CNTN4: variants seen among roughly 807,000 people sequenced by gnomAD.
The protein encoded by CNTN4 is contactin 4.
CNTN4 carries 77 observed loss-of-function variants against 122.5 expected under a neutral mutation model. The ratio of observed to expected loss-of-function variants is 0.63; its 90% CI spans 0.52 to 0.76. The LOEUF is 0.76. Ranked by LOEUF, CNTN4 falls within the 30% of genes least tolerant of loss-of-function variation. The probability of loss-of-function intolerance (pLI) is 0.00; values close to 1 mark genes in which losing one functional copy is unlikely to be tolerated. For synonymous variants in CNTN4, 512 were observed against 447.0 expected, an observed-to-expected ratio of 1.15 and a Z score of -1.83; for missense variants, 1,256 against 1,259.1, an observed-to-expected ratio of 1.00 and a Z score of 0.04.
intron 4 of CNTN4, among the ~76,000 whole-genome samples, chr3:2,643,514 T>G (rs562734526): frequency 6.6e-6 from 1 of 152,152 alleles, no homozygotes; most frequent in Non-Finnish European, 1.5e-5. Context: ...TAGTGACTTG[T>G]GTGCATGTCC....
Position 3,034,453 on chromosome 3 carries a change from G to A in CNTN4, c.1784-179G>A, listed in dbSNP as rs112151936. Reference sequence around the variant, plus strand: ...GGGGCTGTGTTTCATTCACCTCTGTGGTTTCCAAGCCCAGGAAAGTTCCAA... The same window carrying A: ...GGGGCTGTGTTTCATTCACCTCTGTAGTTTCCAAGCCCAGGAAAGTTCCAA... On this transcript the variant is annotated intron_variant, in intron 16 of 24. Coordinates refer to ENST00000418658, the MANE Select transcript of CNTN4 (RefSeq NM_175607.3). Among the ~76,000 whole-genome samples, 1,394 of 152,206 alleles carry A rather than the reference G, an allele frequency of 9.2e-3. 17 individuals carry two copies. The highest frequency in any genetic ancestry group is 0.051 in the Middle Eastern group (15 of 294).
chr3:2,921,449 T>G (rs954270340), intron 12 of CNTN4, among the ~76,000 whole-genome samples: 1 of 152,178 alleles, frequency 6.6e-6, no homozygotes, highest in African/African-American at 2.4e-5. Context: ...CAAAAGAAAT[T>G]TGGGGTCTCA....
chr3:2,606,163 A>G (rs544821755), intron 4 of CNTN4, among the ~76,000 whole-genome samples: 2 of 152,332 alleles, frequency 1.3e-5, no homozygotes, highest in Admixed American at 1.3e-4. Context: ...CTGTATTGAT[A>G]GGGAGGTCAG....
At chr3:2,860,605 A>C (rs982139393) in intron 7 of CNTN4, among the ~76,000 whole-genome samples, 13 of 152,144 alleles carry the variant, frequency 8.5e-5, no homozygotes, top group Non-Finnish European at 1.5e-4. Flanking sequence ...TAGAGGTACA[A>C]TATCTCTCCC....
chr3:2,449,715 T>C (rs2048755598), intron 3 of CNTN4, among the ~76,000 whole-genome samples: 1 of 152,144 alleles, frequency 6.6e-6, no homozygotes, highest in Admixed American at 6.6e-5. Flanking sequence ...GATCAAATGG[T>C]AGCTTTTAAA....
chr3:2,999,420 T>C (rs978066617), intron 14 of CNTN4, among the ~76,000 whole-genome samples: 1 of 152,186 alleles, frequency 6.6e-6, no homozygotes, highest in Non-Finnish European at 1.5e-5. Flanking sequence ...CTTAGTCCAC[T>C]TGTGCTGCTA....
intron 2 of CNTN4, among the ~76,000 whole-genome samples, chr3:2,113,873 C>T (rs971231390): frequency 6.6e-6 from 1 of 152,134 alleles, no homozygotes; most frequent in Admixed American, 6.5e-5. Context: ...TGCTGAAGAT[C>T]GAGAACCCCA....
chr3:3,000,228 G>A (rs1453189430), intron 14 of CNTN4, among the ~76,000 whole-genome samples: 7 of 152,068 alleles, frequency 4.6e-5, no homozygotes, highest in East Asian at 1.9e-4. Context: ...CAAAACAAGA[G>A]AGGGGGGAAA....
At chr3:2,811,143 C>T (rs979754162) in intron 6 of CNTN4, among the ~76,000 whole-genome samples, 1 of 152,036 alleles carries the variant, frequency 6.6e-6, no homozygotes, top group Non-Finnish European at 1.5e-5. Context: ...GGTGCGGTGG[C>T]TCACACCTGT....
intron 6 of CNTN4, among the ~76,000 whole-genome samples, chr3:2,750,623 T>C (rs774614682): frequency 3.4e-4 from 51 of 152,184 alleles, no homozygotes; most frequent in Non-Finnish European, 5.7e-4. Flanking sequence ...GCACATTTTG[T>C]TTTTCAGTCT....
At chr3:2,890,722 G>A (rs1016947979) in intron 10 of CNTN4, among the ~76,000 whole-genome samples, 3 of 152,186 alleles carry the variant, frequency 2.0e-5, no homozygotes, top group Non-Finnish European at 4.4e-5. Flanking sequence ...CCCTACTGTA[G>A]CCATGTCTTT....
At chr3:2,534,229 A>G (rs1457256126) in intron 3 of CNTN4, among the ~76,000 whole-genome samples, 6 of 152,114 alleles carry the variant, frequency 3.9e-5, no homozygotes, top group Non-Finnish European at 8.8e-5. Context: ...TAGGGTTTTT[A>G]TGGTTTTAGG....
chr3:3,038,786 C>A, intron 18 of CNTN4, 147 bp from the exon 19 acceptor site: 1 of 543,968 alleles, frequency 1.8e-6, no homozygotes. Context: ...GCCGTGGGCC[C>A]CTTGACAATG....
In CNTN4 at chr3:2,440,250, C is replaced by T. The variant is rs140546601; in HGVS notation, c.-89+101017C>T. Among the ~76,000 whole-genome samples the T allele has an allele frequency of 2.8e-3, 426 of 152,182 alleles. 2 individuals carry two copies. Among genetic ancestry groups the T allele is most frequent in the African/African-American group, 9.7e-3 (401 of 41,528 alleles). Reference sequence around the variant, plus strand: ...GAAATCATCATTCTCAGTAAACTATCGCAAGGACAAAAAAACCAGATCACT... The same window carrying T: ...GAAATCATCATTCTCAGTAAACTATTGCAAGGACAAAAAAACCAGATCACT... On this transcript the variant is annotated intron_variant, in intron 3 of 24. Coordinates refer to ENST00000418658, the MANE Select transcript of CNTN4 (RefSeq NM_175607.3).
intron 4 of CNTN4, among the ~76,000 whole-genome samples, chr3:2,571,857 C>T (rs1186951697): frequency 6.6e-6 from 1 of 152,102 alleles, no homozygotes; most frequent in African/African-American, 2.4e-5. Context: ...TGCCCAGTTG[C>T]ACAGAGATAT....
intron 3 of CNTN4, among the ~76,000 whole-genome samples, chr3:2,453,542 G>A (rs577406809): frequency 2.2e-4 from 34 of 152,248 alleles, no homozygotes; most frequent in Non-Finnish European, 4.7e-4. Flanking sequence ...AGGAACTTGA[G>A]GCTCAGTGGG....
intron 4 of CNTN4, among the ~76,000 whole-genome samples, chr3:2,617,676 C>A (rs936019469): frequency 1.3e-5 from 2 of 152,030 alleles, no homozygotes; most frequent in African/African-American, 4.8e-5. Context: ...CTGTCTCGGC[C>A]TCCCAAAGTG....
At chr3:2,632,195 T>C (rs916263090) in intron 4 of CNTN4, among the ~76,000 whole-genome samples, 1 of 152,196 alleles carries the variant, frequency 6.6e-6, no homozygotes, top group African/African-American at 2.4e-5. Flanking sequence ...TTAATTCCCC[T>C]AGTGCTCATC....
chr3:2,632,085 C>T (rs4685539), intron 4 of CNTN4, among the ~76,000 whole-genome samples: 59 of 150,242 alleles, frequency 3.9e-4, no homozygotes, highest in African/African-American at 5.4e-4. Flanking sequence ...CACACACACA[C>T]GTGTGTGTAT....
Sources: gnomAD v4.1 joint callset for allele counts (sites outside exome capture counted in the v4.1 genomes callset) on GRCh38, gnomAD v4.1.1 for gene constraint, MANE v1.5 for transcripts, NCBI Gene and HGNC (gene_info 2026-07-23, HGNC 2026-07-21) for gene names.